The following DNAAF5 variants were observed in gnomAD, a reference collection of about 807,000 sequenced individuals.
DNAAF5 encodes HEAT repeat containing 2.
Under a neutral mutation model 75.8 loss-of-function variants are expected in DNAAF5, and 64 were observed. The ratio of observed to expected loss-of-function variants is 0.84; its 90% confidence interval spans 0.69 to 1.04. The LOEUF (loss-of-function observed/expected upper bound fraction) is 1.04, where lower values mean the gene tolerates loss of function less well. DNAAF5 is among the 50% of genes least tolerant of loss of function. The probability of loss-of-function intolerance (pLI) is 0.00; values close to 1 mark genes in which losing one functional copy is unlikely to be tolerated. For missense variants in DNAAF5, 1,269 were observed against 1,178.5 expected (o/e 1.08, Z -1.12); for synonymous variants, 657 against 557.2 (o/e 1.18, Z -2.52).
At chr7:753,904 A>C (rs1782394629) in intron 4 of DNAAF5, among the ~76,000 whole-genome samples, 1 of 114,024 alleles carries the variant, frequency 8.8e-6, no homozygotes, top group Non-Finnish European at 1.7e-5. Flanking sequence ...TCATATGGCG[A>C]TGGCTTCGCA....
At chr7:741,495 G>A (rs986448712) in intron 4 of DNAAF5, 30 bp downstream of exon 4, 14 of 1,163,376 alleles carry the variant, frequency 1.2e-5, no homozygotes, top group Middle Eastern at 3.0e-4. Context: ...GGGAGCGCCA[G>A]GAGGCGAGCC....
At chr7:767,968 G>A (rs1332949347) in intron 8 of DNAAF5, among the ~76,000 whole-genome samples, 1 of 145,476 alleles carries the variant, frequency 6.9e-6, no homozygotes, top group Non-Finnish European at 1.5e-5. Context: ...CCGCCAGCAG[G>A]AGCGCTCGTG....
At chr7:731,608 G>T (rs1781563721) in intron 2 of DNAAF5, among the ~76,000 whole-genome samples, 1 of 152,188 alleles carries the variant, frequency 6.6e-6, no homozygotes, top group South Asian at 2.1e-4. Context: ...GCCACATGCA[G>T]CCCGGGACGG....
intron 4 of DNAAF5, among the ~76,000 whole-genome samples, chr7:746,016 G>A (rs1001440866): frequency 6.6e-6 from 1 of 152,200 alleles, no homozygotes; most frequent in South Asian, 2.1e-4. Context: ...TCAGTCAGTC[G>A]CATAAGCACT....
intron 8 of DNAAF5, chr7:769,312 A>T: frequency 1.5e-6 from 1 of 663,372 alleles, no homozygotes; most frequent in Non-Finnish European, 2.8e-6. Flanking sequence ...CTGAGCCTTC[A>T]GCTCCTGGGC....
At position 761,707 on chromosome 7, in the gene DNAAF5, C is replaced by A. The variant is rs745331611; in HGVS notation, c.1471-46C>A. ...TCAAGATGGGATTCGGGTGGGGACA[C>A]GACCAAATTGTACCAAGCTCTGACG... On this transcript the variant is annotated intron_variant, in intron 6 of 12. Coordinates refer to ENST00000297440, the MANE Select transcript of DNAAF5 (RefSeq NM_017802.4). The A allele has an allele frequency of 2.9e-5, 45 of 1,551,782 alleles. No homozygotes were observed. The South Asian group carries it at 4.9e-4, about 17-fold the overall frequency.
Position 741,459 on chromosome 7 carries a change from C to A in DNAAF5, c.1018C>A (p.Pro340Thr). 6.5e-7 allele frequency: 1 copy of A among 1,530,288 alleles called. No individual in the cohort carries two copies. Among genetic ancestry groups the A allele is most frequent in the Non-Finnish European group, 8.9e-7 (1 of 1,124,318 alleles). 94.8% of individuals were successfully genotyped at this position (1,530,288 alleles called of 1,614,324 possible). The change falls in exon 4 of 13, where the codon CCA becomes ACA. Residue 340 changes from proline (P) to threonine (T), a missense_variant. By Grantham distance (38) the Pro-to-Thr change is conservative. Transcript: ENST00000297440. ...FAPPTPPHYP[P>T]HERRPVLGCR... ...CCCTCCCACCCCACCCCATTACCCT[C>A]CACATGGTGAGTGACCGCGGCAGAG...
At chr7:784,790 C>T (rs1438605659) in intron 12 of DNAAF5, among the ~76,000 whole-genome samples, 2 of 152,312 alleles carry the variant, frequency 1.3e-5, no homozygotes, top group Non-Finnish European at 1.5e-5. Flanking sequence ...CCTATTTGCT[C>T]CTGTGAAACC....
At chr7:762,321 A>G (rs903237176) in intron 7 of DNAAF5, among the ~76,000 whole-genome samples, 3 of 152,056 alleles carry the variant, frequency 2.0e-5, no homozygotes, top group African/African-American at 7.2e-5. Context: ...CCCCGTCTCT[A>G]CTAAAAATAC....
At chr7:766,721 G>C (rs1201659281) in intron 8 of DNAAF5, among the ~76,000 whole-genome samples, 1 of 152,090 alleles carries the variant, frequency 6.6e-6, no homozygotes, top group Non-Finnish European at 1.5e-5. Flanking sequence ...GAGGCAAGGA[G>C]GCTCACGTGA....
intron 9 of DNAAF5, 63 bp from the exon 10 acceptor site, chr7:773,985 C>T: frequency 6.3e-7 from 1 of 1,598,216 alleles, no homozygotes; most frequent in Non-Finnish European, 8.6e-7. Context: ...CATCCCTAGT[C>T]TGAAACGTTT....
At chr7:756,414 C>T (rs1782486388) in intron 5 of DNAAF5, among the ~76,000 whole-genome samples, 1 of 151,866 alleles carries the variant, frequency 6.6e-6, no homozygotes, top group East Asian at 1.9e-4. Flanking sequence ...AGTGTGTGAT[C>T]CACTGTGGGC....
intron 2 of DNAAF5, 69 bp from the exon 3 acceptor site, chr7:740,750 C>T (rs1295887288): frequency 1.3e-5 from 21 of 1,590,786 alleles, no homozygotes; most frequent in African/African-American, 1.2e-4. Context: ...CACTCAGAGC[C>T]GCACCGTGGC....
intron 4 of DNAAF5, among the ~76,000 whole-genome samples, chr7:752,000 G>A (rs1782312471): frequency 6.6e-6 from 1 of 152,212 alleles, no homozygotes; most frequent in Non-Finnish European, 1.5e-5. Context: ...CTGGGGAGGA[G>A]TGAAGCTGAA....
At chr7:778,559 G>A (rs1006968587) in intron 11 of DNAAF5, 1 of 152,310 alleles carries the variant, frequency 6.6e-6, no homozygotes, top group Non-Finnish European at 1.5e-5. Context: ...GGCCATCCAG[G>A]GAGTGACCAT....
chr7:743,333 C>T (rs990907831), intron 4 of DNAAF5, among the ~76,000 whole-genome samples: 9 of 152,052 alleles, frequency 5.9e-5, no homozygotes, highest in Middle Eastern at 3.2e-3. Flanking sequence ...TATGACCACA[C>T]CCCTGCACTC....
At chr7:732,489 G>A in intron 2 of DNAAF5, 1 of 455,312 alleles carries the variant, frequency 2.2e-6, no homozygotes, top group South Asian at 1.6e-5. Context: ...GATGTGTGCT[G>A]CTGGTGAGGC....
chr7:768,955 C>T (rs1014998640), intron 8 of DNAAF5: 2 of 573,430 alleles, frequency 3.5e-6, no homozygotes, highest in East Asian at 2.8e-5. Context: ...CGTGCTCTGG[C>T]GGGAGGCTCA....
intron 9 of DNAAF5, chr7:772,985 A>T (rs1328561522): frequency 6.6e-6 from 1 of 151,742 alleles, no homozygotes; most frequent in African/African-American, 2.4e-5. Context: ...AAAAATTTAA[A>T]AAAACCTAAG....
Sources: allele counts gnomAD v4.1 joint callset (sites outside exome capture counted in the v4.1 genomes callset), GRCh38; gene constraint gnomAD v4.1.1; transcripts MANE v1.5; gene names NCBI Gene and HGNC (gene_info 2026-07-23, HGNC 2026-07-21).